MORN5: variants seen among roughly 807,000 people sequenced by gnomAD.
MORN5 encodes MORN repeat containing 5, also known as MORN repeat-containing protein 5.
Under a neutral mutation model 22.1 loss-of-function variants are expected in MORN5, and 21 were observed. The ratio of observed to expected loss-of-function variants is 0.95; its 90% CI spans 0.67 to 1.37. The LOEUF (loss-of-function observed/expected upper bound fraction) is 1.37, where lower values mean the gene tolerates loss of function less well. MORN5 is among the 40% of genes most tolerant of loss of function. MORN5 has a pLI of 0.00. For synonymous variants in MORN5, 73 were observed against 74.0 expected, an observed-to-expected ratio of 0.99 and a Z score of 0.07; for missense variants, 211 against 215.1, an observed-to-expected ratio of 0.98 and a Z score of 0.12.
Position 122,186,402 on chromosome 9 carries a change from C to A in MORN5, c.439+11775C>A, listed in dbSNP as rs183014810. Among the ~76,000 whole-genome samples, 606 of 152,302 alleles carry A rather than the reference C, an allele frequency of 4.0e-3. 12 individuals carry two copies. Among genetic ancestry groups the A allele is most frequent in the Admixed American group, 0.037 (569 of 15,298 alleles). On this transcript the variant is annotated intron_variant, in intron 4 of 4. Coordinates refer to ENST00000373764, the MANE Select transcript of MORN5 (RefSeq NM_198469.4). ...GGCCTTTTCTGAACCATGAACCTGT[C>A]TGAGAATCTAGGCCCAGCTACGGAC...
chr9:122,180,282 C>CTT (rs938997436), intron 4 of MORN5, among the ~76,000 whole-genome samples: 2,110 of 107,458 alleles, frequency 0.02, 93 homozygotes, highest in African/African-American at 0.046. Flanking sequence ...ACATTTTCTT[C>CTT]TTTTTTTTTT....
intron 3 of MORN5, among the ~76,000 whole-genome samples, chr9:122,172,589 C>A (rs922118476): frequency 1.3e-5 from 2 of 152,190 alleles, no homozygotes; most frequent in African/African-American, 4.8e-5. Flanking sequence ...CTGGGAGCCC[C>A]TTCCCTGAAT....
intron 4 of MORN5, among the ~76,000 whole-genome samples, chr9:122,189,156 C>CT (rs1337385587): frequency 2.0e-5 from 3 of 151,592 alleles, no homozygotes; most frequent in Non-Finnish European, 2.9e-5. Context: ...GATCACGCCA[C>CT]TGCACTCCAG....
intron 3 of MORN5, among the ~76,000 whole-genome samples, chr9:122,173,329 C>A (rs749208106): frequency 6.6e-6 from 1 of 152,208 alleles, no homozygotes; most frequent in Non-Finnish European, 1.5e-5. Flanking sequence ...GCGACCTCTT[C>A]GAGCATCTGT....
intron 4 of MORN5, among the ~76,000 whole-genome samples, chr9:122,187,444 T>C (rs1479613350): frequency 1.3e-5 from 2 of 152,152 alleles, no homozygotes; most frequent in Admixed American, 6.5e-5. Flanking sequence ...AAGCTCCCCC[T>C]AGACACAGGC....
At chr9:122,166,656 G>A in intron 1 of MORN5, 112 bp from the exon 2 acceptor site, 1 of 1,028,286 alleles carries the variant, frequency 9.7e-7, no homozygotes. Context: ...AGTACTGCTG[G>A]GATGAGAAGG....
chr9:122,193,642 A>G (rs1401156946), intron 4 of MORN5, among the ~76,000 whole-genome samples: 1 of 152,276 alleles, frequency 6.6e-6, no homozygotes, highest in Admixed American at 6.5e-5. Context: ...TGTAATTGTT[A>G]GCACCTTGCT....
At chr9:122,178,145 A>G (rs1489444275) in intron 4 of MORN5, among the ~76,000 whole-genome samples, 1 of 152,222 alleles carries the variant, frequency 6.6e-6, no homozygotes, top group Non-Finnish European at 1.5e-5. Context: ...GGATCTCTTG[A>G]GCCCAGGAGT....
Position 122,169,666 on chromosome 9 carries a change from G to A in MORN5, c.217G>A (p.Gly73Arg). The stretch of plus-strand genomic sequence containing the variant: ...CCAGGGCACATATACGTTCTCAGAT[G>A]GGCTGCACTATGATGAGAAAAACTG... ...AIKGTYTFSD[G>R]LHYDEKNWHY... The change falls in exon 3 of 5, where the codon GGG (glycine) becomes AGG (arginine). Residue 73 changes from glycine (G) to arginine (R), a missense_variant. By Grantham distance (125) the Gly-to-Arg change is moderately radical (BLOSUM62 -2). Coordinates refer to ENST00000373764, the MANE Select transcript of MORN5 (RefSeq NM_198469.4). The A allele has an allele frequency of 6.2e-7, 1 of 1,613,858 alleles. No individual in the cohort carries two copies. The highest frequency in any genetic ancestry group is 8.5e-7 in the Non-Finnish European group (1 of 1,179,784).
chr9:122,173,479 T>A (rs1354653294), intron 3 of MORN5, among the ~76,000 whole-genome samples: 3 of 152,200 alleles, frequency 2.0e-5, no homozygotes, highest in Non-Finnish European at 4.4e-5. Context: ...CGGTTAGGTA[T>A]GTCATTAAGC....
At chr9:122,177,546 C>T (rs1055539335) in intron 4 of MORN5, among the ~76,000 whole-genome samples, 5 of 152,288 alleles carry the variant, frequency 3.3e-5, no homozygotes, top group Admixed American at 2.0e-4. Flanking sequence ...GATTCTTCTG[C>T]CTCAGCCTCC....
At chr9:122,163,046 TAA>T (rs11335886) in intron 1 of MORN5, among the ~76,000 whole-genome samples, 3 of 148,940 alleles carry the variant, frequency 2.0e-5, no homozygotes, top group African/African-American at 4.9e-5. Context: ...GTGTGAATAT[TAA>T]AAAAAAAAAG....
intron 1 of MORN5, among the ~76,000 whole-genome samples, chr9:122,162,809 G>C (rs768661538): frequency 1.3e-5 from 2 of 152,204 alleles, no homozygotes. Context: ...TAGTCACCTA[G>C]AGATGAGGAT....
At chr9:122,181,647 G>A (rs1829539947) in intron 4 of MORN5, among the ~76,000 whole-genome samples, 1 of 152,182 alleles carries the variant, frequency 6.6e-6, no homozygotes, top group Admixed American at 6.5e-5. Context: ...ATGGCGTGGT[G>A]TGGTGGTTAA....
intron 4 of MORN5, among the ~76,000 whole-genome samples, chr9:122,180,546 A>G (rs1420467843): frequency 1.3e-5 from 2 of 152,124 alleles, no homozygotes; most frequent in African/African-American, 4.8e-5. Flanking sequence ...TCGGCTTCCC[A>G]AAGTGCTGGG....
At chr9:122,181,821 A>G (rs1389166379) in intron 4 of MORN5, among the ~76,000 whole-genome samples, 2 of 152,228 alleles carry the variant, frequency 1.3e-5, no homozygotes. Flanking sequence ...TTATGGTTAG[A>G]AAAAAAGATT....
chr9:122,175,382 T>C (rs1829435138), intron 4 of MORN5: 1 of 829,788 alleles, frequency 1.2e-6, no homozygotes, highest in African/African-American at 1.8e-5. Flanking sequence ...AACCTCAGTT[T>C]GGTGAGTCAA....
chr9:122,191,777 C>T (rs1829774294), intron 4 of MORN5, among the ~76,000 whole-genome samples: 1 of 152,238 alleles, frequency 6.6e-6, no homozygotes, highest in African/African-American at 2.4e-5. Context: ...CCCTGGCTTG[C>T]CCTGCTGGCT....
intron 3 of MORN5, among the ~76,000 whole-genome samples, chr9:122,170,044 T>C (rs573163019): frequency 5.8e-4 from 89 of 152,284 alleles, no homozygotes; most frequent in African/African-American, 1.9e-3. Context: ...ATGCCTGTAA[T>C]CCCAGCACTT....
Sources: allele counts gnomAD v4.1 joint callset (sites outside exome capture counted in the v4.1 genomes callset), GRCh38; gene constraint gnomAD v4.1.1; transcripts MANE v1.5; gene names NCBI Gene and HGNC (gene_info 2026-07-23, HGNC 2026-07-21).